RNF141: variants seen among roughly 807,000 people sequenced by gnomAD.
RNF141 encodes C3HC4-like zinc finger protein.
RNF141 carries 18 observed loss-of-function variants against 27.4 expected under a neutral mutation model. The observed-to-expected ratio is 0.66, with a 90% CI of 0.45 to 0.97. The LOEUF (loss-of-function observed/expected upper bound fraction) is 0.97. Ranked by LOEUF, RNF141 falls within the 50% of genes least tolerant of loss-of-function variation. The pLI is 0.00. For synonymous variants in RNF141, 97 were observed against 96.6 expected (o/e 1.00, Z -0.02); for missense variants, 230 against 279.4 (o/e 0.82, Z 1.26).
At position 10,530,763 on chromosome 11, in the gene RNF141, C is replaced by T. The variant is rs763916084; in HGVS notation, c.144-12G>A. On this transcript the variant is annotated splice_polypyrimidine_tract_variant and intron_variant, in intron 2 of 5. Transcript: ENST00000265981. ...CCACTTTAGCCGTTCTGAAAAGAGACAAGAACATGTTAATTTTATGAAAAA... is the reference window on the plus strand; with the variant it reads ...CCACTTTAGCCGTTCTGAAAAGAGATAAGAACATGTTAATTTTATGAAAAA... 10 of 1,522,162 alleles carry T rather than the reference C, an allele frequency of 6.6e-6. No individual in the cohort carries two copies. In the East Asian group the frequency reaches 1.4e-4, roughly 21 times the overall value. The allele number at this position is 1,522,162 out of a possible 1,614,324, so 94.3% of individuals were successfully genotyped here.
chr11:10,521,136 C>T (rs562920047), intron 4 of RNF141, among the ~76,000 whole-genome samples: 1 of 152,266 alleles, frequency 6.6e-6, no homozygotes, highest in African/African-American at 2.4e-5. Context: ...TTCAGAGAGC[C>T]CCTGAATGAG....
chr11:10,518,501 TATATG>T (rs1448438951), intron 5 of RNF141: 1 of 152,274 alleles, frequency 6.6e-6, no homozygotes, highest in Non-Finnish European at 1.5e-5. Flanking sequence ...AAGCACATAT[TATATG>T]ATTCCATTTA....
chr11:10,519,587 A>C (rs1325242786), intron 4 of RNF141, among the ~76,000 whole-genome samples: 1 of 149,622 alleles, frequency 6.7e-6, no homozygotes, highest in East Asian at 1.9e-4. Context: ...TAGATGGTTT[A>C]GCCTACTACT....
At chr11:10,523,301 A>G (rs982851076) in intron 4 of RNF141, among the ~76,000 whole-genome samples, 5 of 152,244 alleles carry the variant, frequency 3.3e-5, no homozygotes, top group African/African-American at 1.2e-4. Flanking sequence ...AGGTTAGAGC[A>G]CAGCTGTACT....
chr11:10,537,229 T>C (rs1395585787), intron 1 of RNF141, among the ~76,000 whole-genome samples: 1 of 152,168 alleles, frequency 6.6e-6, no homozygotes, highest in Non-Finnish European at 1.5e-5. Context: ...TGGAAGTGTT[T>C]AGGTAAAGAT....
chr11:10,532,565 T>G (rs1849998458), intron 2 of RNF141, among the ~76,000 whole-genome samples: 1 of 151,604 alleles, frequency 6.6e-6, no homozygotes. Context: ...GCTTTTTGTT[T>G]TATATTGTTT....
At chr11:10,530,091 A>G (rs1189795765) in intron 3 of RNF141, among the ~76,000 whole-genome samples, 3 of 152,208 alleles carry the variant, frequency 2.0e-5, no homozygotes, top group Non-Finnish European at 4.4e-5. Context: ...TCATGCCTTC[A>G]TTTAATCAAA....
Position 10,519,057 on chromosome 11 carries a change from A to C in RNF141, c.519T>G (p.Phe173Leu). The C allele has an allele frequency of 6.2e-7, 1 of 1,613,996 alleles. No homozygotes were observed. The highest frequency in any genetic ancestry group is 8.5e-7 in the Non-Finnish European group (1 of 1,179,904). Reference protein sequence around the residue: ...ADLILPCAHSFCQKCIDKWSD... With the variant: ...ADLILPCAHSLCQKCIDKWSD... ...ACCATTTATCAATACACTTCTGACAAAAGCTGTGAGCACAAGGCAGGATGA... is the reference window on the plus strand; with the variant it reads ...ACCATTTATCAATACACTTCTGACACAAGCTGTGAGCACAAGGCAGGATGA... The change falls in exon 5 of 6, where the codon TTT (phenylalanine) becomes TTG (leucine). Residue 173 changes from phenylalanine (F) to leucine (L), a missense_variant. Physicochemically the swap from Phe to Leu is conservative, Grantham distance 22. Transcript: ENST00000265981.
chr11:10,526,203 G>T (rs2133970567), intron 3 of RNF141, among the ~76,000 whole-genome samples: 1 of 152,274 alleles, frequency 6.6e-6, no homozygotes, highest in South Asian at 2.1e-4. Flanking sequence ...GAAGAAGTAA[G>T]CCATGAAATC....
intron 1 of RNF141, among the ~76,000 whole-genome samples, chr11:10,539,074 G>A (rs1450260737): frequency 6.6e-6 from 1 of 152,182 alleles, no homozygotes; most frequent in Non-Finnish European, 1.5e-5. Flanking sequence ...ATAAAGAACT[G>A]TTATTTTGAA....
intron 4 of RNF141, among the ~76,000 whole-genome samples, chr11:10,520,178 AAT>A (rs1409127011): frequency 2.6e-5 from 4 of 152,168 alleles, no homozygotes; most frequent in Non-Finnish European, 5.9e-5. Flanking sequence ...ATTTATAAAA[AAT>A]ATATTTCTTC....
chr11:10,522,474 T>G (rs1431442612), intron 4 of RNF141, among the ~76,000 whole-genome samples: 1 of 152,192 alleles, frequency 6.6e-6, no homozygotes, highest in Admixed American at 6.5e-5. Context: ...ACCTGTAGAT[T>G]GGAATATTTG....
intron 5 of RNF141, 128 bp downstream of exon 5, chr11:10,518,906 A>G (rs1564865509): frequency 1.7e-6 from 1 of 602,358 alleles, no homozygotes; most frequent in Non-Finnish European, 2.8e-6. Flanking sequence ...CATGCCATAA[A>G]ATTCAAAGTA....
chr11:10,534,230 T>C, intron 1 of RNF141, 25 bp from the exon 2 acceptor site: 1 of 1,513,478 alleles, frequency 6.6e-7, no homozygotes, highest in South Asian at 1.2e-5. Context: ...GAAAAGTTAC[T>C]TTTACATATT....
chr11:10,517,334 GAA>G (rs1299568338), intron 5 of RNF141: 1 of 151,950 alleles, frequency 6.6e-6, no homozygotes, highest in Non-Finnish European at 1.5e-5. Context: ...GAAACCCAGA[GAA>G]AGACTCAAAA....
intron 1 of RNF141, 105 bp from the exon 2 acceptor site, chr11:10,534,310 T>C (rs1850015225): frequency 1.4e-6 from 1 of 735,724 alleles, no homozygotes. Context: ...TAAGTGAGAG[T>C]TGAGTAGACC....
At chr11:10,540,731 C>G (rs1850091791) in intron 1 of RNF141, 1 of 152,308 alleles carries the variant, frequency 6.6e-6, no homozygotes, top group Admixed American at 6.5e-5. Flanking sequence ...GCTACGCCGC[C>G]TCAGCCCCTC....
intron 3 of RNF141, among the ~76,000 whole-genome samples, chr11:10,526,558 C>A (rs979045167): frequency 6.6e-6 from 1 of 151,922 alleles, no homozygotes; most frequent in South Asian, 2.1e-4. Flanking sequence ...CCGAGGTGGG[C>A]AGATCATGAG....
At chr11:10,515,917 TTA>T (rs1486899855) in intron 5 of RNF141, 1 of 152,222 alleles carries the variant, frequency 6.6e-6, no homozygotes, top group African/African-American at 2.4e-5. Flanking sequence ...TTAAATAAGA[TTA>T]TGTTTTCGAA....
Sources: gnomAD v4.1 joint callset for allele counts (sites outside exome capture counted in the v4.1 genomes callset) on GRCh38, gnomAD v4.1.1 for gene constraint, MANE v1.5 for transcripts, NCBI Gene and HGNC (gene_info 2026-07-23, HGNC 2026-07-21) for gene names.